BAIAP3: variants seen among roughly 807,000 people sequenced by gnomAD.
BAIAP3 encodes the protein BAI1-associated protein 3.
In BAIAP3, 180 loss-of-function variants were observed where a neutral mutation model predicts 149.7. The ratio of observed to expected loss-of-function variants is 1.20; its 90% CI spans 1.07 to 1.36. The LOEUF is 1.36. BAIAP3 is among the 40% of genes most tolerant of loss of function. BAIAP3 has a pLI of 0.00. For missense variants in BAIAP3, 1,767 were observed against 1,563.4 expected, an observed-to-expected ratio of 1.13 and a Z score of -2.20; for synonymous variants, 845 against 670.7, an observed-to-expected ratio of 1.26 and a Z score of -4.02.
At chr16:1,339,328 G>C in intron 4 of BAIAP3, 84 bp downstream of exon 4, 1 of 1,524,548 alleles carries the variant, frequency 6.6e-7, no homozygotes. Flanking sequence ...GTGTGCACAG[G>C]GTCTGGTGAT....
Position 1,348,568 on chromosome 16 carries a change from C to A in BAIAP3, c.*86C>A. The A allele has an allele frequency of 7.5e-7, 1 of 1,341,160 alleles. No individual in the cohort carries two copies. The highest frequency in any genetic ancestry group is 1.0e-6 in the Non-Finnish European group (1 of 962,578). The allele number at this position is 1,341,160 out of a possible 1,614,324, so 83.1% of individuals were successfully genotyped here. A position where few individuals can be genotyped will look rare whatever the true frequency, so the allele number is the denominator to read the frequency against. Reference sequence around the variant, plus strand: ...GCTCACTGTGGCCAGCTTTGTGCAACCAGGGCCCACGGCGCCCCTCCTGTG... The same window carrying A: ...GCTCACTGTGGCCAGCTTTGTGCAAACAGGGCCCACGGCGCCCCTCCTGTG... On this transcript the variant is annotated 3_prime_UTR_variant, in exon 34 of 34. Coordinates refer to ENST00000426824, the MANE Select transcript of BAIAP3 (RefSeq NM_001199097.2).
Position 1,349,438 on chromosome 16 carries a change from C to A in BAIAP3, c.*956C>A. Reference sequence around the variant, plus strand: ...CAAAAATATATGTGTCTGCAACCCTCAGTCTCTCTGCCGTTTCTTGATTCC... The same window carrying A: ...CAAAAATATATGTGTCTGCAACCCTAAGTCTCTCTGCCGTTTCTTGATTCC... On this transcript the variant is annotated 3_prime_UTR_variant, in exon 34 of 34. Coordinates refer to ENST00000426824, the MANE Select transcript of BAIAP3 (RefSeq NM_001199097.2). 6.2e-7 allele frequency: 1 copy of A among 1,613,574 alleles called. No homozygotes were observed. Among genetic ancestry groups the A allele is most frequent in the South Asian group, 1.1e-5 (1 of 91,042 alleles).
At position 1,349,295 on chromosome 16, in the gene BAIAP3, T is replaced by G; in HGVS notation, c.*813T>G. 1 of 916,762 alleles carries G rather than the reference T, an allele frequency of 1.1e-6. No individual in the cohort carries two copies. 56.8% of individuals were successfully genotyped at this position (916,762 alleles called of 1,614,324 possible). A position where few individuals can be genotyped will look rare whatever the true frequency, so the allele number is the denominator to read the frequency against. ...GCCGAGGCAGGACACAGAGCACAGC[T>G]GTGCTGGAAGTGTGGGGAGAACCCG... On this transcript the variant is annotated 3_prime_UTR_variant, in exon 34 of 34. Transcript: ENST00000426824.
At position 1,346,652 on chromosome 16, in the gene BAIAP3, G is replaced by C. The variant is rs1189724867; in HGVS notation, c.2610G>C (p.Leu870=). 9 of 1,288,764 alleles carry C rather than the reference G, an allele frequency of 7.0e-6. No homozygotes were observed. Among genetic ancestry groups the C allele is most frequent in the Non-Finnish European group, 9.1e-6 (9 of 988,264 alleles). The allele number at this position is 1,288,764 out of a possible 1,614,324, so 79.8% of individuals were successfully genotyped here. ...MKYLDEKLAL[L]NASLVKGNLS... ...ACCTGGATGAGAAGCTGGCCCTGCT[G>C]AACGCCTCGCTGGTGAAGGGGAACC... is the stretch of plus-strand genomic sequence containing the variant. The change falls in exon 27 of 34, where the codon CTG becomes CTC. Residue 870 remains leucine, a synonymous_variant. Coordinates refer to ENST00000426824, the MANE Select transcript of BAIAP3 (RefSeq NM_001199097.2).
At chr16:1,338,515 C>T in intron 1 of BAIAP3, 25 bp from the exon 2 acceptor site, 1 of 1,348,196 alleles carries the variant, frequency 7.4e-7, no homozygotes, top group African/African-American at 1.6e-5. Context: ...CGACCTGAGG[C>T]TGCGGGCTGT....
In BAIAP3 at chr16:1,346,015, G is replaced by C. The variant is rs146147017; in HGVS notation, c.2238G>C (p.Thr746=). ...TGTGTGAGGCCACCCTCTTCTATAC[G>C]GAGCTGCTTCGGAAGAAGGTGGACA... ...QDVCEATLFY[T]ELLRKKVDTQ... is the part of the protein sequence containing the mutation. Residue 746 remains threonine (T), a synonymous_variant, in exon 24 of 34, where the codon ACG becomes ACC. Transcript: ENST00000426824. 1.1e-5 allele frequency: 17 copies of C among 1,611,188 alleles called. No homozygotes were observed. The East Asian group carries it at 2.2e-4, about 21-fold the overall frequency.
At chr16:1,342,857 T>C (rs2034018886) in intron 13 of BAIAP3, 43 bp downstream of exon 13, 1 of 1,612,108 alleles carries the variant, frequency 6.2e-7, no homozygotes, top group Non-Finnish European at 8.5e-7. Context: ...GCAGGGGGCC[T>C]GAGGAGGGGA....
chr16:1,335,272 C>G (rs1451771668), intron 1 of BAIAP3, among the ~76,000 whole-genome samples: 1 of 152,244 alleles, frequency 6.6e-6, no homozygotes, highest in Non-Finnish European at 1.5e-5. Flanking sequence ...GCAGGTGTGG[C>G]TCAGCCCCAG....
chr16:1,343,219 G>A (rs763166726), intron 14 of BAIAP3, 174 bp from the exon 15 acceptor site: 64 of 1,155,546 alleles, frequency 5.5e-5, no homozygotes, highest in Middle Eastern at 5.7e-4. Context: ...AAGGGGCGGT[G>A]CCATGAGTAG....
chr16:1,342,421 C>T lies in BAIAP3; in HGVS notation c.958-106C>T, dbSNP rs555466589. 5.5e-5 allele frequency: 76 copies of T among 1,369,668 alleles called. No homozygotes were observed. The South Asian group carries it at 6.3e-4, about 11-fold the overall frequency. 84.8% of individuals were successfully genotyped at this position (1,369,668 alleles called of 1,614,324 possible). A position where few individuals can be genotyped will look rare whatever the true frequency, so the allele number is the denominator to read the frequency against. On this transcript the variant is annotated intron_variant, in intron 11 of 33. Coordinates refer to ENST00000426824, the MANE Select transcript of BAIAP3 (RefSeq NM_001199097.2). ...GAGTGCGCTTGTCACCCTCATTCCC[C>T]GGAGAAGGGAAGCCCAGGCCATGTG...
Position 1,334,721 on chromosome 16 carries a change from C to T in BAIAP3, c.-11+972C>T, listed in dbSNP as rs953446853. 1.3e-5 allele frequency: 20 copies of T among 1,555,930 alleles called. No homozygotes were observed. The Admixed American group carries it at 1.5e-4, about 12-fold the overall frequency. On this transcript the variant is annotated intron_variant, in intron 1 of 33. Transcript: ENST00000426824. The stretch of plus-strand genomic sequence containing the variant: ...CGCCAGGTGACCTGCACCTGGGCAC[C>T]GCCATCGGCTTCGCAGGGGCCATCT...
rs754635692 is a variant in BAIAP3 at position 1,342,298 on chromosome 16, G to A, written c.957+15G>A. The A allele has an allele frequency of 1.2e-6, 2 of 1,608,600 alleles. No individual in the cohort carries two copies. Among genetic ancestry groups the A allele is most frequent in the Non-Finnish European group, 1.7e-6 (2 of 1,176,768 alleles). On this transcript the variant is annotated intron_variant, in intron 11 of 33. Coordinates refer to ENST00000426824, the MANE Select transcript of BAIAP3 (RefSeq NM_001199097.2). ...TACCTGTCCGGGTGAGTGGGTGTGG[G>A]GTGGGGCTGGTGACACTTAGAGAAG...
chr16:1,339,367 G>A, intron 4 of BAIAP3, 123 bp downstream of exon 4: 1 of 1,489,654 alleles, frequency 6.7e-7, no homozygotes. Flanking sequence ...GTGGGTGGGT[G>A]AGTGAGGAGC....
At chr16:1,337,240 C>T (rs1385147808) in intron 1 of BAIAP3, among the ~76,000 whole-genome samples, 2 of 152,154 alleles carry the variant, frequency 1.3e-5, no homozygotes, top group East Asian at 1.9e-4. Flanking sequence ...GTGGGCTGGG[C>T]GGTGCTGGCT....
intron 6 of BAIAP3, 48 bp from the exon 7 acceptor site, chr16:1,341,081 G>T (rs368656465): frequency 6.2e-7 from 1 of 1,610,718 alleles, no homozygotes; most frequent in East Asian, 2.2e-5. Context: ...TAGGGCATCT[G>T]GGGGGCAGCT....
At chr16:1,341,771 TG>T (rs1447095756) in intron 8 of BAIAP3, 50 bp from the exon 9 acceptor site, 4 of 1,585,748 alleles carry the variant, frequency 2.5e-6, no homozygotes, top group Non-Finnish European at 2.6e-6. Flanking sequence ...GACCCCGGCC[TG>T]GGCAGAGCCT....
In BAIAP3 at chr16:1,345,872, G is replaced by T. The variant is rs764060958; in HGVS notation, c.2190G>T (p.Leu730=). The change falls in exon 23 of 34, where the codon CTG becomes CTT. Residue 730 remains leucine (L), a synonymous_variant. Transcript: ENST00000426824. The stretch of plus-strand genomic sequence containing the variant: ...CTGACCCTGCCCAGGCTCAGGGGCT[G>T]GGCACCCAGCTTGGCCAGGTGTGTG... ...AWPDPAQAQG[L]GTQLGQDVCE... is the part of the protein sequence containing the mutation. 6.3e-6 allele frequency: 10 copies of T among 1,578,308 alleles called. No homozygotes were observed. The highest frequency in any genetic ancestry group is 2.7e-5 in the African/African-American group (2 of 74,430).
rs1235002489 is a variant in BAIAP3 at position 1,339,518 on chromosome 16, C to T, written c.323C>T (p.Ala108Val). 3 of 1,611,886 alleles carry T rather than the reference C, an allele frequency of 1.9e-6. No individual in the cohort carries two copies. Among genetic ancestry groups the T allele is most frequent in the East Asian group, 2.2e-5 (1 of 44,858 alleles). Residue 108 changes from alanine (A) to valine (V), a missense_variant, in exon 5 of 34, where the codon GCC becomes GTC. Physicochemically the swap from Ala to Val is moderately conservative, Grantham distance 64. Coordinates refer to ENST00000426824, the MANE Select transcript of BAIAP3 (RefSeq NM_001199097.2). ...PEEVEMLYEE[A>V]LYTVLYRAGT... Reference sequence around the variant, plus strand: ...CAGGTGGAGATGCTCTACGAGGAGGCCCTGTACACGGTGCTTTACCGCGCG... The same window carrying T: ...CAGGTGGAGATGCTCTACGAGGAGGTCCTGTACACGGTGCTTTACCGCGCG...
Position 1,347,728 on chromosome 16 carries a change from C to CG in BAIAP3, c.2933dup (p.Leu979ProfsTer11). ...GACCCTGGAGCAGAACCGGTTTGGA[C>CG]GCCTGAGCGTCCGTTGCCATTACGA... On this transcript the variant is annotated frameshift_variant, in exon 31 of 34. Transcript: ENST00000426824. LOFTEE classifies it high-confidence loss of function. 1 of 1,610,170 alleles carries CG rather than the reference C, an allele frequency of 6.2e-7. No individual in the cohort carries two copies. Among genetic ancestry groups the CG allele is most frequent in the Non-Finnish European group, 8.5e-7 (1 of 1,177,870 alleles).
Sources: allele counts gnomAD v4.1 joint callset (sites outside exome capture counted in the v4.1 genomes callset), GRCh38; gene constraint gnomAD v4.1.1; transcripts MANE v1.5; gene names NCBI Gene and HGNC (gene_info 2026-07-23, HGNC 2026-07-21).